The following CNTNAP4 variants were observed in gnomAD, a reference collection of about 807,000 sequenced individuals.
The protein encoded by CNTNAP4 is contactin-associated protein-like 4.
CNTNAP4 carries 98 observed loss-of-function variants against 148.4 expected under a neutral mutation model. The ratio of observed to expected loss-of-function variants is 0.66; its 90% CI spans 0.56 to 0.78. The LOEUF (loss-of-function observed/expected upper bound fraction) is 0.78, where lower values mean the gene tolerates loss of function less well. CNTNAP4 is among the 30% of genes least tolerant of loss of function. CNTNAP4 has a pLI of 0.00. For missense variants in CNTNAP4, 1,935 were observed against 1,565.6 expected (o/e 1.24, Z -3.98); for synonymous variants, 730 against 565.1 (o/e 1.29, Z -4.14).
At chr16:76,418,586 T>C (rs1254123639) in intron 3 of CNTNAP4, among the ~76,000 whole-genome samples, 1 of 151,752 alleles carries the variant, frequency 6.6e-6, no homozygotes, top group Non-Finnish European at 1.5e-5. Context: ...ACATTACCCA[T>C]CTGTTTTTGC....
At chr16:76,293,920 C>T (rs947373546) in intron 1 of CNTNAP4, among the ~76,000 whole-genome samples, 1 of 150,656 alleles carries the variant, frequency 6.6e-6, no homozygotes, top group Non-Finnish European at 1.5e-5. Context: ...TTTAGCCTTT[C>T]TCTTTATGTT....
At chr16:76,512,684 A>C (rs1487694375) in intron 15 of CNTNAP4, among the ~76,000 whole-genome samples, 1 of 152,204 alleles carries the variant, frequency 6.6e-6, no homozygotes, top group Non-Finnish European at 1.5e-5. Flanking sequence ...AAGATGGAAC[A>C]GCAGGAGTTA....
intron 3 of CNTNAP4, among the ~76,000 whole-genome samples, chr16:76,397,795 G>A (rs2078252367): frequency 8.8e-6 from 1 of 113,360 alleles, no homozygotes; most frequent in South Asian, 2.7e-4. Flanking sequence ...GTGTGCATGT[G>A]TTTGTGTGTG....
intron 3 of CNTNAP4, among the ~76,000 whole-genome samples, chr16:76,397,032 C>A (rs1003292058): frequency 1.3e-5 from 2 of 152,046 alleles, no homozygotes; most frequent in African/African-American, 4.8e-5. Context: ...GAGAGGAATT[C>A]ATAAAGAGGT....
chr16:76,360,669 A>G (rs1567848804), intron 3 of CNTNAP4, among the ~76,000 whole-genome samples: 1 of 152,220 alleles, frequency 6.6e-6, no homozygotes. Flanking sequence ...ATCTTTCAAG[A>G]GACTGATCCA....
intron 2 of CNTNAP4, among the ~76,000 whole-genome samples, chr16:76,319,676 C>G (rs1208469692): frequency 6.6e-6 from 1 of 152,002 alleles, no homozygotes; most frequent in Non-Finnish European, 1.5e-5. Flanking sequence ...CATACAGAGA[C>G]AGGAAAGACA....
chr16:76,395,755 G>C (rs1479577515), intron 3 of CNTNAP4, among the ~76,000 whole-genome samples: 1 of 150,834 alleles, frequency 6.6e-6, no homozygotes, highest in Non-Finnish European at 1.5e-5. Context: ...TTTCGACAAG[G>C]TCTTGCTCTG....
chr16:76,467,157 A>G lies in CNTNAP4; in HGVS notation c.1484-195A>G, dbSNP rs185148543. The stretch of plus-strand genomic sequence containing the variant: ...ATACTAGTGACTTCCTGGGAATGCT[A>G]TGTAAATAAAAAATTCTTTGTATGA... On this transcript the variant is annotated intron_variant, in intron 9 of 23. Coordinates refer to ENST00000611870, the MANE Select transcript of CNTNAP4 (RefSeq NM_033401.5). Among the ~76,000 whole-genome samples the G allele has an allele frequency of 1.4e-3, 213 of 152,300 alleles. 4 individuals carry two copies. Among genetic ancestry groups the G allele is most frequent in the African/African-American group, 4.5e-3 (188 of 41,584 alleles).
intron 2 of CNTNAP4, among the ~76,000 whole-genome samples, chr16:76,324,903 C>G (rs1962809357): frequency 6.6e-6 from 1 of 152,176 alleles, no homozygotes; most frequent in Admixed American, 6.5e-5. Context: ...CTCCAAATGC[C>G]ATCACACTGG....
chr16:76,281,766 A>T (rs181816392), intron 1 of CNTNAP4, among the ~76,000 whole-genome samples: 1 of 152,130 alleles, frequency 6.6e-6, no homozygotes, highest in East Asian at 1.9e-4. Context: ...CTGTTTTTGT[A>T]TGACCCATGG....
intron 10 of CNTNAP4, among the ~76,000 whole-genome samples, chr16:76,473,840 GT>G (rs372567909): frequency 0.14 from 18,166 of 129,550 alleles, 1,816 homozygotes; most frequent in African/African-American, 0.29. Flanking sequence ...GGTTTTGTAG[GT>G]TTTTTTTTTG....
At chr16:76,402,310 T>G (rs1255290665) in intron 3 of CNTNAP4, among the ~76,000 whole-genome samples, 1 of 152,064 alleles carries the variant, frequency 6.6e-6, no homozygotes, top group Admixed American at 6.6e-5. Flanking sequence ...GTTTTCTAGT[T>G]TGCGTATGTA....
intron 1 of CNTNAP4, among the ~76,000 whole-genome samples, chr16:76,314,824 C>T (rs1005103491): frequency 6.6e-6 from 1 of 152,152 alleles, no homozygotes; most frequent in Non-Finnish European, 1.5e-5. Context: ...AGCATTCCAT[C>T]ACATTAAAAC....
intron 21 of CNTNAP4, among the ~76,000 whole-genome samples, chr16:76,551,829 T>A (rs1227220146): frequency 6.6e-6 from 1 of 152,226 alleles, no homozygotes; most frequent in South Asian, 2.1e-4. Context: ...GGAACGTAGA[T>A]TCAAGTTGCC....
At chr16:76,430,724 C>A (rs2079576604) in intron 4 of CNTNAP4, among the ~76,000 whole-genome samples, 1 of 152,134 alleles carries the variant, frequency 6.6e-6, no homozygotes, top group South Asian at 2.1e-4. Context: ...GTGCGCTTCG[C>A]CTGAGCCATT....
rs2082490809 is a variant in CNTNAP4, at chr16:76,498,558, G to A, written c.2238-9G>A. ...TCTTAAGAATTTTGTTGTTGCTATT[G>A]TTTTTTAGGACCAATGACACTGGAT... is the stretch of plus-strand genomic sequence containing the variant. On this transcript the variant is annotated splice_polypyrimidine_tract_variant and intron_variant, in intron 14 of 23. Coordinates refer to ENST00000611870, the MANE Select transcript of CNTNAP4 (RefSeq NM_033401.5). The A allele has an allele frequency of 1.2e-6, 2 of 1,600,612 alleles. No homozygotes were observed. Among genetic ancestry groups the A allele is most frequent in the Non-Finnish European group, 1.7e-6 (2 of 1,175,184 alleles).
chr16:76,482,130 GAA>G (rs1445529065), intron 12 of CNTNAP4, among the ~76,000 whole-genome samples: 2 of 152,012 alleles, frequency 1.3e-5, no homozygotes, highest in Non-Finnish European at 2.9e-5. Flanking sequence ...AGCATGGGTG[GAA>G]AAGAGTGATG....
At chr16:76,409,900 A>C (rs539391567) in intron 3 of CNTNAP4, among the ~76,000 whole-genome samples, 1 of 152,036 alleles carries the variant, frequency 6.6e-6, no homozygotes, top group African/African-American at 2.4e-5. Flanking sequence ...ACAACACAAC[A>C]ATCACAACTG....
chr16:76,288,842 T>C (rs538052516), intron 1 of CNTNAP4, among the ~76,000 whole-genome samples: 2 of 152,268 alleles, frequency 1.3e-5, no homozygotes, highest in African/African-American at 4.8e-5. Context: ...GCTAGACAAA[T>C]TGGAAAATTG....
Sources: allele counts gnomAD v4.1 joint callset (sites outside exome capture counted in the v4.1 genomes callset), GRCh38; gene constraint gnomAD v4.1.1; transcripts MANE v1.5; gene names NCBI Gene and HGNC (gene_info 2026-07-23, HGNC 2026-07-21).